Variants in SPMIP11 observed in about 807,000 individuals in gnomAD.
SPMIP11 encodes sperm microtubule inner protein 11, also known as long intergenic non-protein coding RNA 935.
the SPMIP11 span, chr12:48,768,587 C>G: frequency 1.9e-6 from 3 of 1,614,094 alleles, no homozygotes; most frequent in Non-Finnish European, 2.5e-6. Flanking sequence ...GTGGCTGGGC[C>G]CTGTTAACTG....
At chr12:48,768,607 C>A in the SPMIP11 span, 2 of 1,614,108 alleles carry the variant, frequency 1.2e-6, no homozygotes, top group Non-Finnish European at 8.5e-7. Flanking sequence ...GCTGGGGCCC[C>A]CATTGAGGAA....
At chr12:48,741,468 C>T in the SPMIP11 span, among the ~76,000 whole-genome samples, 89 of 152,154 alleles carry the variant, frequency 5.8e-4, no homozygotes, top group African/African-American at 2.0e-3. Flanking sequence ...CAGGAATAAG[C>T]GACATTATAT....
chr12:48,745,672 T>C, the SPMIP11 span, among the ~76,000 whole-genome samples: 1 of 152,212 alleles, frequency 6.6e-6, no homozygotes, highest in Non-Finnish European at 1.5e-5. Context: ...AAACATAGAA[T>C]ATTTGCATAT....
chr12:48,758,001 G>C, the SPMIP11 span, among the ~76,000 whole-genome samples: 1 of 151,424 alleles, frequency 6.6e-6, no homozygotes. Flanking sequence ...CTTAAAAAAA[G>C]AAAAACTATA....
the SPMIP11 span, among the ~76,000 whole-genome samples, chr12:48,756,711 G>C: frequency 6.6e-6 from 1 of 151,828 alleles, no homozygotes; most frequent in African/African-American, 2.4e-5. Flanking sequence ...GATGACTTCT[G>C]CTCCAGGAAT....
At chr12:48,743,180 G>C in the SPMIP11 span, among the ~76,000 whole-genome samples, 1,687 of 151,450 alleles carry the variant, frequency 0.011, 29 homozygotes, top group African/African-American at 0.04. Flanking sequence ...ATTACTTGAG[G>C]TCAGGAGTTC....
chr12:48,727,663 ATCC>A, the SPMIP11 span: 1 of 648,560 alleles, frequency 1.5e-6, no homozygotes, highest in Non-Finnish European at 2.8e-6. Context: ...TTAGAGATTT[ATCC>A]TCCAAGGCCA....
the SPMIP11 span, among the ~76,000 whole-genome samples, chr12:48,760,549 C>T: frequency 6.6e-6 from 1 of 151,876 alleles, no homozygotes; most frequent in South Asian, 2.1e-4. Context: ...TGTTTTGAGG[C>T]AGATTCTCAC....
At chr12:48,739,890 A>T in the SPMIP11 span, among the ~76,000 whole-genome samples, 1 of 152,206 alleles carries the variant, frequency 6.6e-6, no homozygotes, top group Non-Finnish European at 1.5e-5. Context: ...GTGATTCCTC[A>T]GATGAATTAG....
At chr12:48,768,268 T>G in the SPMIP11 span, 1 of 410,426 alleles carries the variant, frequency 2.4e-6, no homozygotes. Context: ...CAAGCTGCCA[T>G]TTTAATCCCT....
chr12:48,728,362 T>G, the SPMIP11 span, among the ~76,000 whole-genome samples: 2 of 152,194 alleles, frequency 1.3e-5, no homozygotes, highest in South Asian at 4.1e-4. Flanking sequence ...CAGAGAAGAC[T>G]TCACACAGGA....
chr12:48,750,182 T>C, the SPMIP11 span, among the ~76,000 whole-genome samples: 3 of 152,078 alleles, frequency 2.0e-5, no homozygotes, highest in Non-Finnish European at 4.4e-5. Flanking sequence ...TGAGACCTCA[T>C]CTCTACTAAA....
the SPMIP11 span, among the ~76,000 whole-genome samples, chr12:48,750,701 C>G: frequency 6.6e-6 from 1 of 152,204 alleles, no homozygotes; most frequent in Admixed American, 6.5e-5. Context: ...TTACCCTGGT[C>G]TTTCTCATCC....
At chr12:48,763,560 TA>T in the SPMIP11 span, among the ~76,000 whole-genome samples, 1 of 152,120 alleles carries the variant, frequency 6.6e-6, no homozygotes, top group South Asian at 2.1e-4. Context: ...TTAGGGATTT[TA>T]AAAAAATTAT....
At chr12:48,758,507 C>T in the SPMIP11 span, among the ~76,000 whole-genome samples, 1 of 152,192 alleles carries the variant, frequency 6.6e-6, no homozygotes, top group Non-Finnish European at 1.5e-5. Flanking sequence ...TTGGCCTAGC[C>T]AAAATTCTTT....
the SPMIP11 span, among the ~76,000 whole-genome samples, chr12:48,763,266 A>G: frequency 6.6e-6 from 1 of 151,952 alleles, no homozygotes. Flanking sequence ...ACAACCTCCC[A>G]GGCTCAAACG....
chr12:48,733,047 G>A, the SPMIP11 span, among the ~76,000 whole-genome samples: 3 of 140,614 alleles, frequency 2.1e-5, no homozygotes, highest in South Asian at 7.2e-4. Context: ...TTCAGTGTAT[G>A]TCTTCTCTTG....
chr12:48,759,739 C>A, the SPMIP11 span, among the ~76,000 whole-genome samples: 3 of 150,820 alleles, frequency 2.0e-5, no homozygotes, highest in African/African-American at 7.3e-5. Flanking sequence ...AAAAAAGAGC[C>A]AAGAGAAGAG....
the SPMIP11 span, among the ~76,000 whole-genome samples, chr12:48,769,784 C>G: frequency 7.3e-6 from 1 of 136,922 alleles, no homozygotes; most frequent in Non-Finnish European, 1.6e-5. Context: ...TTGGGGGGGA[C>G]AGAGTCTCGC....
Sources: gnomAD v4.1 joint callset for allele counts (sites outside exome capture counted in the v4.1 genomes callset) on GRCh38, gnomAD v4.1.1 for gene constraint, MANE v1.5 for transcripts, NCBI Gene and HGNC (gene_info 2026-07-23, HGNC 2026-07-21) for gene names.